The following ROBO1 variants were observed in gnomAD, a reference collection of about 807,000 sequenced individuals.
ROBO1 encodes the protein roundabout homolog 1.
Under a neutral mutation model 195.9 loss-of-function variants are expected in ROBO1, and 149 were observed. The observed-to-expected ratio is 0.76, with a 90% confidence interval of 0.67 to 0.87. The LOEUF is 0.87. ROBO1 is among the 40% of genes least tolerant of loss of function. ROBO1 has a pLI of 0.00. For synonymous variants in ROBO1, 816 were observed against 733.2 expected (o/e 1.11, Z -1.82); for missense variants, 1,933 against 2,068.3 (o/e 0.93, Z 1.27).
chr3:79,705,125 G>A (rs944603801), intron 1 of ROBO1, among the ~76,000 whole-genome samples: 6 of 151,732 alleles, frequency 4.0e-5, no homozygotes, highest in Non-Finnish European at 8.8e-5. Context: ...CTTCCACTCT[G>A]TGGCTTGTCT....
intron 1 of ROBO1, among the ~76,000 whole-genome samples, chr3:79,669,827 C>A (rs1946581564): frequency 6.6e-6 from 1 of 151,828 alleles, no homozygotes; most frequent in Admixed American, 6.6e-5. Context: ...AAGACATTTC[C>A]TAAATTTAAC....
chr3:78,970,156 AAT>A (rs1022034404), intron 3 of ROBO1, among the ~76,000 whole-genome samples: 1 of 152,160 alleles, frequency 6.6e-6, no homozygotes, highest in African/African-American at 2.4e-5. Context: ...ACTTCAAGAG[AAT>A]ATATTTTTCA....
intron 4 of ROBO1, among the ~76,000 whole-genome samples, chr3:78,925,341 A>G (rs1209690485): frequency 2.0e-5 from 3 of 152,194 alleles, no homozygotes; most frequent in Admixed American, 2.0e-4. Context: ...TGTATTAAAT[A>G]ATGTTGTACT....
At chr3:79,610,599 T>C (rs1944627901) in intron 1 of ROBO1, among the ~76,000 whole-genome samples, 3 of 152,056 alleles carry the variant, frequency 2.0e-5, no homozygotes, top group Admixed American at 1.3e-4. Context: ...CATAAGACTT[T>C]GTGAAGCATG....
intron 2 of ROBO1, among the ~76,000 whole-genome samples, chr3:79,314,513 T>C (rs141681010): frequency 9.2e-4 from 140 of 152,324 alleles, no homozygotes; most frequent in African/African-American, 3.2e-3. Flanking sequence ...CTGCCATGAT[T>C]ATGTTTCCTG....
At chr3:79,603,028 T>A (rs1280365258) in intron 1 of ROBO1, among the ~76,000 whole-genome samples, 1 of 152,054 alleles carries the variant, frequency 6.6e-6, no homozygotes, top group African/African-American at 2.4e-5. Flanking sequence ...TACTTCTGAA[T>A]GTCATTCCTT....
At chr3:79,413,093 T>C (rs544370053) in intron 2 of ROBO1, among the ~76,000 whole-genome samples, 130 of 151,574 alleles carry the variant, frequency 8.6e-4, no homozygotes, top group Non-Finnish European at 1.5e-3. Context: ...CAATAATATA[T>C]ATATATTTCT....
intron 1 of ROBO1, among the ~76,000 whole-genome samples, chr3:79,757,510 C>CATATATATATATATAT (rs145729181): frequency 4.3e-5 from 3 of 70,514 alleles, no homozygotes; most frequent in African/African-American, 1.6e-4. Flanking sequence ...TCTCTCTCTC[C>CATATATATATATATAT]ATATATATAT....
chr3:79,312,617 C>A (rs1221461940), intron 2 of ROBO1, among the ~76,000 whole-genome samples: 1 of 152,162 alleles, frequency 6.6e-6, no homozygotes, highest in Non-Finnish European at 1.5e-5. Flanking sequence ...TTGGACCTAT[C>A]CATAAAGCAG....
chr3:79,182,012 TGTG>T (rs1359870847), intron 2 of ROBO1, among the ~76,000 whole-genome samples: 1 of 151,506 alleles, frequency 6.6e-6, no homozygotes, highest in African/African-American at 2.4e-5. Flanking sequence ...ATATTTATAA[TGTG>T]GTATTGGAAA....
chr3:79,750,430 T>C (rs1704085158), intron 1 of ROBO1, among the ~76,000 whole-genome samples: 1 of 152,198 alleles, frequency 6.6e-6, no homozygotes, highest in Admixed American at 6.5e-5. Context: ...TGATTGGTTT[T>C]GTAATGTGAG....
At chr3:79,759,513 C>G (rs952352177) in intron 1 of ROBO1, among the ~76,000 whole-genome samples, 28 of 152,246 alleles carry the variant, frequency 1.8e-4, no homozygotes, top group African/African-American at 6.0e-4. Flanking sequence ...GAAAGTTCAT[C>G]CTTAGTAAAC....
At chr3:78,931,912 T>G (rs182273262) in intron 4 of ROBO1, among the ~76,000 whole-genome samples, 233 of 152,150 alleles carry the variant, frequency 1.5e-3, no homozygotes, top group African/African-American at 5.5e-3. Flanking sequence ...GGAAGTTGAG[T>G]CTACAGTGAG....
At chr3:78,846,501 C>T (rs146236502) in intron 4 of ROBO1, among the ~76,000 whole-genome samples, 45 of 152,122 alleles carry the variant, frequency 3.0e-4, no homozygotes, top group African/African-American at 8.9e-4. Flanking sequence ...TTATTTTTCA[C>T]GATGGCATCT....
chr3:78,821,921 AAGC>A (rs1160940349), intron 4 of ROBO1, among the ~76,000 whole-genome samples: 2 of 152,102 alleles, frequency 1.3e-5, no homozygotes, highest in Non-Finnish European at 2.9e-5. Flanking sequence ...AGAGAAGAAG[AAGC>A]AGTAGTGGTA....
chr3:78,725,586 T>C (rs776283062), intron 5 of ROBO1, among the ~76,000 whole-genome samples: 4 of 152,198 alleles, frequency 2.6e-5, no homozygotes, highest in East Asian at 1.9e-4. Context: ...AGGTTTAAGA[T>C]GTAGCTTTTC....
intron 2 of ROBO1, among the ~76,000 whole-genome samples, chr3:79,445,944 G>A (rs976745792): frequency 6.6e-6 from 1 of 151,588 alleles, no homozygotes; most frequent in Non-Finnish European, 1.5e-5. Context: ...GAGCCACCGC[G>A]CCCGGCCAGG....
At chr3:79,103,173 T>C (rs2079710834) in intron 3 of ROBO1, among the ~76,000 whole-genome samples, 1 of 151,786 alleles carries the variant, frequency 6.6e-6, no homozygotes, top group African/African-American at 2.4e-5. Context: ...ATGAACTAGA[T>C]GCAATTTATT....
intron 2 of ROBO1, among the ~76,000 whole-genome samples, chr3:79,226,543 CTTTT>C (rs112824317): frequency 1.5e-5 from 2 of 135,724 alleles, no homozygotes; most frequent in African/African-American, 5.8e-5. Flanking sequence ...TTCTTTCTTT[CTTTT>C]TTTTTTTTTT....
Sources: gnomAD v4.1 joint callset for allele counts (sites outside exome capture counted in the v4.1 genomes callset) on GRCh38, gnomAD v4.1.1 for gene constraint, MANE v1.5 for transcripts, NCBI Gene and HGNC (gene_info 2026-07-23, HGNC 2026-07-21) for gene names.